Variants in GUCA1C observed in about 807,000 individuals in gnomAD.
GUCA1C encodes the protein guanylate cyclase activator 1C.
In GUCA1C, 15 loss-of-function variants were observed where a neutral mutation model predicts 16.2. The ratio of observed to expected loss-of-function variants is 0.93; its 90% CI spans 0.62 to 1.43. GUCA1C has a LOEUF of 1.43. Ranked by LOEUF, GUCA1C falls within the 40% of genes most tolerant of loss-of-function variation. The pLI is 0.00. For synonymous variants in GUCA1C, 78 were observed against 85.4 expected (o/e 0.91, Z 0.48); for missense variants, 275 against 244.8 (o/e 1.12, Z -0.82).
intron 1 of GUCA1C, among the ~76,000 whole-genome samples, chr3:108,942,917 G>A (rs16854983): frequency 0.034 from 5,155 of 152,204 alleles, 274 homozygotes; most frequent in African/African-American, 0.12. Context: ...AACTATGTGA[G>A]TTTGCTCCTG....
intron 1 of GUCA1C, among the ~76,000 whole-genome samples, chr3:108,951,816 A>G (rs1057061635): frequency 2.6e-5 from 4 of 152,220 alleles, no homozygotes; most frequent in African/African-American, 9.6e-5. Flanking sequence ...TGTGGTGGAC[A>G]CTGAGAGGGC....
intron 1 of GUCA1C, among the ~76,000 whole-genome samples, chr3:108,948,643 T>TC (rs1946867600): frequency 6.6e-6 from 1 of 152,164 alleles, no homozygotes; most frequent in South Asian, 2.1e-4. Flanking sequence ...TTTTGGAAGG[T>TC]TTTTTTCCAC....
At chr3:108,923,183 GTATT>G (rs1447874407) in intron 1 of GUCA1C, among the ~76,000 whole-genome samples, 1 of 152,078 alleles carries the variant, frequency 6.6e-6, no homozygotes, top group African/African-American at 2.4e-5. Context: ...TGATTCCTAT[GTATT>G]TATTTTTGTT....
At position 108,943,957 on chromosome 3, in the gene GUCA1C, ACTTATAG is replaced by A. The variant is rs1340221308; in HGVS notation, c.204+9595_204+9601del. ...AGGTCACTCCACCTGTACCCCAATA[ACTTATAG>A]AAAAAATTTTTAATTAAATAAATAA... On this transcript the variant is annotated intron_variant, in intron 1 of 3. Transcript: ENST00000261047. Among the ~76,000 whole-genome samples the A allele has an allele frequency of 3.3e-5, 5 of 152,166 alleles. No individual in the cohort carries two copies. The East Asian group carries it at 9.6e-4, about 29-fold the overall frequency.
intron 3 of GUCA1C, among the ~76,000 whole-genome samples, chr3:108,913,495 A>T (rs1025175308): frequency 1.3e-5 from 2 of 152,104 alleles, no homozygotes; most frequent in Admixed American, 1.3e-4. Flanking sequence ...TACTTCTGCA[A>T]ATATCAACCT....
chr3:108,909,017 G>T (rs900910826), intron 3 of GUCA1C, among the ~76,000 whole-genome samples: 1 of 152,180 alleles, frequency 6.6e-6, no homozygotes, highest in Non-Finnish European at 1.5e-5. Context: ...AAAGACGGAC[G>T]GAGTGCATTC....
In GUCA1C at chr3:108,920,590, G is replaced by A; in HGVS notation, c.205-5C>T. The A allele has an allele frequency of 7.0e-7, 1 of 1,421,522 alleles. No individual in the cohort carries two copies. 88.1% of individuals were successfully genotyped at this position (1,421,522 alleles called of 1,614,324 possible). ...CAAAAAGTCAACAAATCCATCCTATGGAAAGTAAGATGAAAAGAGAAATAA... is the reference window on the plus strand; with the variant it reads ...CAAAAAGTCAACAAATCCATCCTATAGAAAGTAAGATGAAAAGAGAAATAA... On this transcript the variant is annotated splice_polypyrimidine_tract_variant and splice_region_variant and intron_variant, in intron 1 of 3. Coordinates refer to ENST00000261047, the MANE Select transcript of GUCA1C (RefSeq NM_005459.4).
intron 1 of GUCA1C, among the ~76,000 whole-genome samples, chr3:108,936,514 C>T (rs1034459460): frequency 1.3e-5 from 2 of 152,106 alleles, no homozygotes; most frequent in East Asian, 1.9e-4. Flanking sequence ...AAAATGAGGA[C>T]GGGGTAAATG....
chr3:108,908,121 A>C lies in GUCA1C; in HGVS notation c.531T>G (p.Asn177Lys). 6.2e-7 allele frequency: 1 copy of C among 1,613,580 alleles called. No individual in the cohort carries two copies. Among genetic ancestry groups the C allele is most frequent in the Non-Finnish European group, 8.5e-7 (1 of 1,179,504 alleles). ...TCCCATTACAGATTACTCTCAGCAC[A>C]TTGGAGAAGTCGAAGCTCTTGTAAA... ...EIVYKSFDFS[N>K]VLRVICNGKQ... The change falls in exon 4 of 4, where the codon AAT (asparagine) becomes AAG (lysine). Residue 177 changes from asparagine to lysine, a missense_variant. Coordinates refer to ENST00000261047, the MANE Select transcript of GUCA1C (RefSeq NM_005459.4).
intron 1 of GUCA1C, 99 bp downstream of exon 1, chr3:108,953,460 A>T: frequency 3.9e-6 from 3 of 764,670 alleles, no homozygotes; most frequent in Non-Finnish European, 6.7e-6. Context: ...AGTGGGATGT[A>T]CACATTTTAC....
At position 108,953,704 on chromosome 3, in the gene GUCA1C, T is replaced by C. The variant is rs2107324360; in HGVS notation, c.59A>G (p.His20Arg). The C allele has an allele frequency of 1.2e-6, 2 of 1,612,102 alleles. No homozygotes were observed. Among genetic ancestry groups the C allele is most frequent in the African/African-American group, 2.7e-5 (2 of 74,996 alleles). The change falls in exon 1 of 4, where the codon CAT becomes CGT. Residue 20 changes from histidine (H) to arginine (R), a missense_variant. By Grantham distance (29) the His-to-Arg change is conservative. Transcript: ENST00000261047. ...DQKAVPTQET[H>R]VWYRTFMMEY... ...CATCATAAATGTTCTGTACCACACA[T>C]GGGTCTCTTGTGTAGGAACTGCTTT... is the stretch of plus-strand genomic sequence containing the variant.
chr3:108,952,334 T>A (rs1258374931), intron 1 of GUCA1C, among the ~76,000 whole-genome samples: 1 of 152,210 alleles, frequency 6.6e-6, no homozygotes, highest in Non-Finnish European at 1.5e-5. Context: ...ATTTTCCCAC[T>A]GATTTGTCAG....
intron 1 of GUCA1C, among the ~76,000 whole-genome samples, chr3:108,930,561 GTTTTAC>G (rs1017582091): frequency 6.6e-6 from 1 of 152,174 alleles, no homozygotes; most frequent in African/African-American, 2.4e-5. Context: ...CACTGTGGAT[GTTTTAC>G]TTTTACAGTC....
chr3:108,920,623 A>C (rs1419884105), intron 1 of GUCA1C, 38 bp from the exon 2 acceptor site: 6 of 1,201,596 alleles, frequency 5.0e-6, no homozygotes, highest in Middle Eastern at 2.7e-4. Context: ...TAAATATTTA[A>C]GAAGAATAAT....
At chr3:108,919,086 A>G (rs371587399) in intron 2 of GUCA1C, among the ~76,000 whole-genome samples, 1 of 152,148 alleles carries the variant, frequency 6.6e-6, no homozygotes, top group East Asian at 1.9e-4. Flanking sequence ...ACAGTGTGTA[A>G]GGTGCATTCC....
chr3:108,941,853 T>C (rs928617998), intron 1 of GUCA1C, among the ~76,000 whole-genome samples: 6 of 152,212 alleles, frequency 3.9e-5, no homozygotes, highest in Admixed American at 2.0e-4. Context: ...AGGATGTAAG[T>C]GTAGTCCTGA....
chr3:108,928,319 G>C (rs1258875672), intron 1 of GUCA1C, among the ~76,000 whole-genome samples: 1 of 152,126 alleles, frequency 6.6e-6, no homozygotes, highest in East Asian at 1.9e-4. Flanking sequence ...TGAGTTTTAG[G>C]AGTTCTTTTT....
chr3:108,907,906 A>G lies in GUCA1C; in HGVS notation c.*116T>C. ...GATTAAAATAAGTGCTATATTCACA[A>G]GCCTATATGAATTATAACAAAGACC... On this transcript the variant is annotated 3_prime_UTR_variant, in exon 4 of 4. Transcript: ENST00000261047. The G allele has an allele frequency of 4.3e-6, 3 of 705,788 alleles. No individual in the cohort carries two copies. In the South Asian group the frequency reaches 5.9e-5, roughly 14 times the overall value. The allele number at this position is 705,788 out of a possible 1,614,324, so 43.7% of individuals were successfully genotyped here. A position where few individuals can be genotyped will look rare whatever the true frequency, so the allele number is the denominator to read the frequency against.
chr3:108,939,108 C>T (rs1946758535), intron 1 of GUCA1C, among the ~76,000 whole-genome samples: 1 of 152,134 alleles, frequency 6.6e-6, no homozygotes, highest in Non-Finnish European at 1.5e-5. Context: ...TTATAAGCAT[C>T]TGTCTTCCTA....
Sources: allele counts gnomAD v4.1 joint callset (sites outside exome capture counted in the v4.1 genomes callset), GRCh38; gene constraint gnomAD v4.1.1; transcripts MANE v1.5; gene names NCBI Gene and HGNC (gene_info 2026-07-23, HGNC 2026-07-21).